The following ATXN7L1 variants were observed in gnomAD, a reference collection of about 807,000 sequenced individuals.
ATXN7L1 encodes the protein ataxin 7 like 1.
Under a neutral mutation model 70.8 loss-of-function variants are expected in ATXN7L1, and 15 were observed. That is an observed-to-expected ratio of 0.21 (90% CI 0.14 to 0.33). The LOEUF (loss-of-function observed/expected upper bound fraction) is 0.33. ATXN7L1 is among the 10% of genes least tolerant of loss of function. The probability of loss-of-function intolerance (pLI) is 1.00; values close to 1 mark genes in which losing one functional copy is unlikely to be tolerated. For synonymous variants in ATXN7L1, 440 were observed against 445.1 expected (o/e 0.99, Z 0.14); for missense variants, 975 against 1,097.1 (o/e 0.89, Z 1.57).
chr7:105,616,653 A>C (rs1462947493), intron 9 of ATXN7L1, among the ~76,000 whole-genome samples: 1 of 152,210 alleles, frequency 6.6e-6, no homozygotes, highest in Non-Finnish European at 1.5e-5. Flanking sequence ...GAGCAGGTGG[A>C]TTCTCAGCAG....
chr7:105,681,457 T>A (rs568387027), intron 3 of ATXN7L1, among the ~76,000 whole-genome samples: 6 of 152,298 alleles, frequency 3.9e-5, no homozygotes, highest in African/African-American at 1.4e-4. Context: ...TTGGTGGGAA[T>A]GTAAAATGGT....
intron 3 of ATXN7L1, among the ~76,000 whole-genome samples, chr7:105,682,085 C>T (rs1057032889): frequency 1.3e-5 from 2 of 151,884 alleles, no homozygotes; most frequent in South Asian, 2.1e-4. Flanking sequence ...ATTAGCTGGG[C>T]GTGGTGGTGT....
intron 3 of ATXN7L1, among the ~76,000 whole-genome samples, chr7:105,765,509 C>T (rs1801136556): frequency 6.6e-6 from 1 of 152,088 alleles, no homozygotes; most frequent in African/African-American, 2.4e-5. Flanking sequence ...GAAACAGGAA[C>T]CCAGACTCAT....
chr7:105,754,062 A>C (rs1166031340), intron 3 of ATXN7L1, among the ~76,000 whole-genome samples: 3 of 152,164 alleles, frequency 2.0e-5, no homozygotes, highest in Non-Finnish European at 4.4e-5. Flanking sequence ...TATAGCACAA[A>C]TTAGACAATC....
At chr7:105,840,212 G>A (rs1813005761) in intron 2 of ATXN7L1, among the ~76,000 whole-genome samples, 1 of 152,182 alleles carries the variant, frequency 6.6e-6, no homozygotes, top group Admixed American at 6.5e-5. Flanking sequence ...GGAGCAGAGT[G>A]ACAATCCGAT....
chr7:105,657,416 T>A (rs1800831535), intron 4 of ATXN7L1, among the ~76,000 whole-genome samples: 2 of 152,166 alleles, frequency 1.3e-5, no homozygotes, highest in South Asian at 4.1e-4. Flanking sequence ...GCATTTAAAA[T>A]GTGGCTACTG....
At chr7:105,861,364 T>C (rs936810707) in intron 2 of ATXN7L1, among the ~76,000 whole-genome samples, 9 of 151,826 alleles carry the variant, frequency 5.9e-5, no homozygotes, top group Non-Finnish European at 1.2e-4. Flanking sequence ...ACCAATTAAA[T>C]AGCTATTATA....
chr7:105,753,140 G>C (rs1234738564), intron 3 of ATXN7L1, among the ~76,000 whole-genome samples: 1 of 152,234 alleles, frequency 6.6e-6, no homozygotes, highest in African/African-American at 2.4e-5. Flanking sequence ...AGCTGCTGCT[G>C]CTGAGTCTTT....
Position 105,683,962 on chromosome 7 carries a change from T to A in ATXN7L1, c.356-18674A>T, listed in dbSNP as rs556779268. ...GCAAGAAAAACCCCACAGGTAACCA[T>A]TCTCTGCAGGCCCCCTTCTTCAGGA... On this transcript the variant is annotated intron_variant, in intron 3 of 11. Coordinates refer to ENST00000419735, the MANE Select transcript of ATXN7L1 (RefSeq NM_020725.2). 4.6e-5 allele frequency among the ~76,000 whole-genome samples: 7 copies of A among 152,294 alleles called. No homozygotes were observed. In the South Asian group the frequency reaches 1.2e-3, roughly 27 times the overall value.
At chr7:105,793,186 C>T (rs943976144) in intron 2 of ATXN7L1, among the ~76,000 whole-genome samples, 4 of 152,324 alleles carry the variant, frequency 2.6e-5, no homozygotes, top group African/African-American at 9.6e-5. Context: ...ACAGGCTGTC[C>T]TGAGGCTCTG....
At chr7:105,631,966 A>G (rs1459321546) in intron 7 of ATXN7L1, among the ~76,000 whole-genome samples, 1 of 152,192 alleles carries the variant, frequency 6.6e-6, no homozygotes, top group Non-Finnish European at 1.5e-5. Context: ...TCAGGTTTCT[A>G]TCTTTGAGAA....
intron 3 of ATXN7L1, among the ~76,000 whole-genome samples, chr7:105,678,568 T>C (rs1284637910): frequency 6.6e-6 from 1 of 152,222 alleles, no homozygotes; most frequent in Non-Finnish European, 1.5e-5. Context: ...GAAAGGACCC[T>C]GAACATGTCT....
chr7:105,671,208 G>A (rs1803604318), intron 3 of ATXN7L1, among the ~76,000 whole-genome samples: 1 of 151,236 alleles, frequency 6.6e-6, no homozygotes, highest in African/African-American at 2.4e-5. Flanking sequence ...ACTTGAACCC[G>A]GGAGGCGGAG....
intron 2 of ATXN7L1, among the ~76,000 whole-genome samples, chr7:105,862,405 C>T: frequency 6.6e-6 from 1 of 152,156 alleles, no homozygotes; most frequent in East Asian, 1.9e-4. Flanking sequence ...TACTACTGCA[C>T]TCCAGCCTGG....
chr7:105,673,339 TA>T (rs1804073177), intron 3 of ATXN7L1, among the ~76,000 whole-genome samples: 1 of 152,234 alleles, frequency 6.6e-6, no homozygotes, highest in African/African-American at 2.4e-5. Flanking sequence ...GCACCATTTT[TA>T]GAAAGAACTT....
At chr7:105,830,930 G>A (rs1369937775) in intron 2 of ATXN7L1, among the ~76,000 whole-genome samples, 2 of 152,226 alleles carry the variant, frequency 1.3e-5, no homozygotes, top group African/African-American at 4.8e-5. Flanking sequence ...ACATCTTCAA[G>A]TCCAGTGCTT....
At chr7:105,768,968 CT>C (rs1027949936) in intron 3 of ATXN7L1, among the ~76,000 whole-genome samples, 2 of 152,194 alleles carry the variant, frequency 1.3e-5, no homozygotes, top group African/African-American at 4.8e-5. Flanking sequence ...TTTTCCCCCC[CT>C]GGGGTCTCTA....
chr7:105,711,658 G>A (rs916933589), intron 3 of ATXN7L1, among the ~76,000 whole-genome samples: 15 of 152,338 alleles, frequency 9.8e-5, no homozygotes, highest in African/African-American at 3.6e-4. Context: ...GGGGTCCTAA[G>A]GGCTTGGGCA....
chr7:105,740,776 T>TC, intron 3 of ATXN7L1, among the ~76,000 whole-genome samples: 1 of 106,170 alleles, frequency 9.4e-6, no homozygotes, highest in Non-Finnish European at 1.7e-5. Context: ...TTCATTTTTT[T>TC]TTTTTTTTAA....
Sources: gnomAD v4.1 joint callset for allele counts (sites outside exome capture counted in the v4.1 genomes callset) on GRCh38, gnomAD v4.1.1 for gene constraint, MANE v1.5 for transcripts, NCBI Gene and HGNC (gene_info 2026-07-23, HGNC 2026-07-21) for gene names.